Variants in SRCAP observed in about 807,000 individuals in gnomAD.
SRCAP encodes chromatin remodeling protein SRCAP.
SRCAP carries 46 observed loss-of-function variants against 263.1 expected under a neutral mutation model. That is an observed-to-expected ratio of 0.17 (90% CI 0.14 to 0.22). The LOEUF (loss-of-function observed/expected upper bound fraction) is 0.22, where lower values mean the gene tolerates loss of function less well. Among genes scored for constraint, SRCAP ranks in the 10% least tolerant of loss-of-function variants. The probability of loss-of-function intolerance (pLI) is 1.00; values close to 1 mark genes in which losing one functional copy is unlikely to be tolerated. For synonymous variants in SRCAP, 1,813 were observed against 1,662.1 expected, an observed-to-expected ratio of 1.09 and a Z score of -2.21; for missense variants, 3,695 against 4,181.9, an observed-to-expected ratio of 0.88 and a Z score of 3.21.
chr16:30,727,819 T>G (rs1003693414), intron 25 of SRCAP, among the ~76,000 whole-genome samples: 1 of 152,206 alleles, frequency 6.6e-6, no homozygotes, highest in Non-Finnish European at 1.5e-5. Flanking sequence ...CCCAAAGTGC[T>G]GGGATTACAG....
rs774988808 is a variant in SRCAP at position 30,716,333 on chromosome 16, A to G, written c.2671A>G (p.Ile891Val). The G allele has an allele frequency of 9.9e-6, 16 of 1,614,196 alleles. No homozygotes were observed. Among genetic ancestry groups the G allele is most frequent in the Non-Finnish European group, 1.4e-5 (16 of 1,180,038 alleles). ...AGCCACAGGCCATTTCATGAGCGTC[A>G]TCAACATTTTGATGCAGCTGAGAAA... ...TLATGHFMSV[I>V]NILMQLRKVC... Residue 891 changes from isoleucine (I) to valine (V), a missense_variant, in exon 18 of 34, where the codon ATC becomes GTC. Ile to Val is a conservative substitution (Grantham distance 29). Coordinates refer to ENST00000262518, the MANE Select transcript of SRCAP (RefSeq NM_006662.3).
Position 30,738,230 on chromosome 16 carries a change from T to G in SRCAP, c.8190T>G (p.Ile2730Met). ...PRRRTSADVE[I>M]RGQGTGRPGQ... Reference sequence around the variant, plus strand: ...GTCGCACCAGTGCTGATGTGGAAATTAGGGGTCAAGGGACTGGTCGGCCAG... The same window carrying G: ...GTCGCACCAGTGCTGATGTGGAAATGAGGGGTCAAGGGACTGGTCGGCCAG... Residue 2730 changes from isoleucine to methionine, a missense_variant, in exon 34 of 34, where the codon ATT becomes ATG. This residue lies in a region of SRCAP where 1,207 missense variants were observed against 1,142.9 expected (regional missense o/e 1.06). Coordinates refer to ENST00000262518, the MANE Select transcript of SRCAP (RefSeq NM_006662.3). 1 of 1,614,038 alleles carries G rather than the reference T, an allele frequency of 6.2e-7. No individual in the cohort carries two copies. Among genetic ancestry groups the G allele is most frequent in the Non-Finnish European group, 8.5e-7 (1 of 1,179,978 alleles).
intron 25 of SRCAP, among the ~76,000 whole-genome samples, chr16:30,727,909 A>G (rs1286029302): frequency 6.6e-6 from 1 of 151,898 alleles, no homozygotes; most frequent in African/African-American, 2.4e-5. Flanking sequence ...CTGGTCTTGA[A>G]TAGGAGGCTC....
intron 20 of SRCAP, 39 bp from the exon 21 acceptor site, chr16:30,721,150 T>G: frequency 6.4e-7 from 1 of 1,564,828 alleles, no homozygotes; most frequent in African/African-American, 1.4e-5. Flanking sequence ...AAGGCTTTAG[T>G]CAGGGTATAT....
intron 18 of SRCAP, among the ~76,000 whole-genome samples, chr16:30,717,544 T>C (rs2151291059): frequency 6.7e-6 from 1 of 150,042 alleles, no homozygotes; most frequent in Admixed American, 6.7e-5. Context: ...ACTCCTGGGC[T>C]CAAATAGTCC....
Position 30,737,573 on chromosome 16 carries a change from T to A in SRCAP, c.7533T>A (p.His2511Gln). 6.2e-7 allele frequency: 1 copy of A among 1,614,102 alleles called. No homozygotes were observed. Among genetic ancestry groups the A allele is most frequent in the South Asian group, 1.1e-5 (1 of 91,078 alleles). Reference sequence around the variant, plus strand: ...CTGCCTGTACCCCTCCACCAGCTCATACACCGCCTCCAGCCCAAACCTGTC... The same window carrying A: ...CTGCCTGTACCCCTCCACCAGCTCAAACACCGCCTCCAGCCCAAACCTGTC... ...PPPACTPPPA[H>Q]TPPPAQTCLV... The change falls in exon 34 of 34, where the codon CAT becomes CAA. Residue 2511 changes from histidine to glutamine, a missense_variant. Physicochemically the swap from His to Gln is conservative, Grantham distance 24. This residue lies in a region of SRCAP where 1,207 missense variants were observed against 1,142.9 expected (regional missense o/e 1.06). Transcript: ENST00000262518.
intron 30 of SRCAP, 45 bp downstream of exon 30, chr16:30,734,053 G>A (rs181460732): frequency 4.1e-5 from 60 of 1,479,390 alleles, no homozygotes; most frequent in Admixed American, 4.0e-4. Context: ...AAACTGCTGC[G>A]CCTTCAGGAG....
intron 4 of SRCAP, among the ~76,000 whole-genome samples, chr16:30,705,472 C>T (rs1420519134): frequency 6.6e-6 from 1 of 152,096 alleles, no homozygotes; most frequent in Non-Finnish European, 1.5e-5. Flanking sequence ...AATTTTGGCT[C>T]ACTGCAAGCT....
rs780767703 is a variant in SRCAP at position 30,737,332 on chromosome 16, C to T, written c.7292C>T (p.Pro2431Leu). 22 of 1,614,048 alleles carry T rather than the reference C, an allele frequency of 1.4e-5. No homozygotes were observed. The highest frequency in any genetic ancestry group is 1.5e-5 in the Non-Finnish European group (18 of 1,180,034). ...RSTTTPPRCS[P>L]ARERVPRPAP... ...ACCACCACACCACCCCGCTGCAGTC[C>T]TGCCAGGGAGCGAGTTCCCAGGCCA... Residue 2431 changes from proline (P) to leucine (L), a missense_variant, in exon 34 of 34, where the codon CCT becomes CTT. Pro to Leu is a moderately conservative substitution (Grantham distance 98). Around this residue, in one of 12 missense-constraint regions of SRCAP, gnomAD observed 1,207 missense variants for 1,142.9 expected, o/e 1.06. Coordinates refer to ENST00000262518, the MANE Select transcript of SRCAP (RefSeq NM_006662.3).
rs1007794295 is a variant in SRCAP, at chr16:30,718,985, G to A, written c.2818-1177G>A. Among the ~76,000 whole-genome samples the A allele has an allele frequency of 4.0e-5, 6 of 149,884 alleles. No homozygotes were observed. The East Asian group carries it at 6.0e-4, about 15-fold the overall frequency. The stretch of plus-strand genomic sequence containing the variant: ...AGTCTCAGCGCATTGCAACCTCTGC[G>A]TCTTGGGTTCAAGCGATTCTCGATT... On this transcript the variant is annotated intron_variant, in intron 18 of 33. Coordinates refer to ENST00000262518, the MANE Select transcript of SRCAP (RefSeq NM_006662.3).
In SRCAP at chr16:30,699,923, G is replaced by A. The variant is rs1352402519; in HGVS notation, c.-268G>A. On this transcript the variant is annotated 5_prime_UTR_variant, in exon 2 of 34. Coordinates refer to ENST00000262518, the MANE Select transcript of SRCAP (RefSeq NM_006662.3). ...GATGTTTCAGGTGTGATTCCCTTCA[G>A]TACGGCGGCACCGTGGAAGTGCAGA... The A allele has an allele frequency of 3.3e-5, 5 of 152,232 alleles. No individual in the cohort carries two copies. Among genetic ancestry groups the A allele is most frequent in the Non-Finnish European group, 7.3e-5 (5 of 68,056 alleles). 9.4% of individuals were successfully genotyped at this position (152,232 alleles called of 1,614,324 possible).
Position 30,724,234 on chromosome 16 carries a change from C to G in SRCAP, c.4810C>G (p.Pro1604Ala), listed in dbSNP as rs1567248206. The G allele has an allele frequency of 1.2e-6, 2 of 1,613,932 alleles. No homozygotes were observed. ...QTAILAPSPA[P>A]PLAPLPVLAP... ...AGCAATTCTGGCTCCTTCTCCAGCT[C>G]CTCCTCTGGCTCCTCTTCCGGTCCT... The change falls in exon 25 of 34, where the codon CCT (proline) becomes GCT (alanine). Residue 1604 changes from proline to alanine, a missense_variant. Coordinates refer to ENST00000262518, the MANE Select transcript of SRCAP (RefSeq NM_006662.3).
Position 30,733,249 on chromosome 16 carries a change from T to C in SRCAP, c.6128-31T>C. On this transcript the variant is annotated intron_variant, in intron 27 of 33. Transcript: ENST00000262518. This position sits in a 1 kb window ranked among gnomAD's most constrained non-coding sequence, Gnocchi z 5.3. Reference sequence around the variant, plus strand: ...CATTCTACCCATTGCGGCTTGTAGCTAGCTCCCTGTATCCCTTCATATCTC... The same window carrying C: ...CATTCTACCCATTGCGGCTTGTAGCCAGCTCCCTGTATCCCTTCATATCTC... 2 of 1,607,564 alleles carry C rather than the reference T, an allele frequency of 1.2e-6. No homozygotes were observed. Among genetic ancestry groups the C allele is most frequent in the South Asian group, 1.1e-5 (1 of 90,878 alleles).
Position 30,729,406 on chromosome 16 carries a change from C to G in SRCAP, c.5961C>G (p.Pro1987=), listed in dbSNP as rs757798565. ...IFVMPPVEAP[P]PSLHACHPPP... Reference sequence around the variant, plus strand: ...TCATGCCTCCTGTGGAGGCACCTCCCCCTTCCCTGCATGCCTGCCACCCAC... The same window carrying G: ...TCATGCCTCCTGTGGAGGCACCTCCGCCTTCCCTGCATGCCTGCCACCCAC... The change falls in exon 27 of 34, where the codon CCC becomes CCG. Residue 1987 remains proline (P), a synonymous_variant. Transcript: ENST00000262518. 2 of 1,614,200 alleles carry G rather than the reference C, an allele frequency of 1.2e-6. No individual in the cohort carries two copies. The highest frequency in any genetic ancestry group is 1.7e-6 in the Non-Finnish European group (2 of 1,180,042).
Position 30,739,869 on chromosome 16 carries a change from C to A in SRCAP, c.*136C>A. The A allele has an allele frequency of 3.0e-6, 4 of 1,331,592 alleles. No homozygotes were observed. The highest frequency in any genetic ancestry group is 3.9e-6 in the Non-Finnish European group (4 of 1,018,710). 82.5% of individuals were successfully genotyped at this position (1,331,592 alleles called of 1,614,324 possible). On this transcript the variant is annotated 3_prime_UTR_variant, in exon 34 of 34. Coordinates refer to ENST00000262518, the MANE Select transcript of SRCAP (RefSeq NM_006662.3). ...ATAGGGGCCTTCTCCCTTCTTCCCACCAAAGTAGGGGGTAGGCAACTGGTT... is the reference window on the plus strand; with the variant it reads ...ATAGGGGCCTTCTCCCTTCTTCCCAACAAAGTAGGGGGTAGGCAACTGGTT...
intron 14 of SRCAP, 145 bp downstream of exon 14, chr16:30,712,960 A>T: frequency 8.6e-7 from 1 of 1,157,390 alleles, no homozygotes; most frequent in Admixed American, 2.9e-5. Flanking sequence ...GGGTCTCACT[A>T]TGTTACCCAA....
chr16:30,711,502 C>T (rs2052890689), intron 10 of SRCAP, 69 bp from the exon 11 acceptor site: 2 of 1,469,304 alleles, frequency 1.4e-6, no homozygotes, highest in East Asian at 4.6e-5. Context: ...GTAAAATTAA[C>T]TGGTACTACT....
chr16:30,739,236 C>T lies in SRCAP; in HGVS notation c.9196C>T (p.Leu3066=). 1.2e-6 allele frequency: 2 copies of T among 1,613,624 alleles called. No homozygotes were observed. The highest frequency in any genetic ancestry group is 1.7e-6 in the Non-Finnish European group (2 of 1,180,014). ...DEDGSRPLTR[L]ARLRLEAEGM... ...GGATGGAAGCCGCCCCCTCACCCGC[C>T]TGGCCCGCCTTCGGCTTGAAGCAGA... is the stretch of plus-strand genomic sequence containing the variant. The change falls in exon 34 of 34, where the codon CTG becomes TTG. Residue 3066 remains leucine (L), a synonymous_variant. Coordinates refer to ENST00000262518, the MANE Select transcript of SRCAP (RefSeq NM_006662.3).
chr16:30,713,759 A>G, intron 16 of SRCAP, 48 bp downstream of exon 16: 2 of 1,575,918 alleles, frequency 1.3e-6, no homozygotes, highest in Non-Finnish European at 8.7e-7. Context: ...GTAAGGAACC[A>G]TTCCTGAGCA....
Sources: allele counts gnomAD v4.1 joint callset (sites outside exome capture counted in the v4.1 genomes callset), GRCh38; gene constraint gnomAD v4.1.1; regional missense constraint gnomAD v4.1.1; non-coding constraint Gnocchi (gnomAD v3.1); transcripts MANE v1.5; gene names NCBI Gene and HGNC (gene_info 2026-07-23, HGNC 2026-07-21).